Variants in POFUT1 observed in about 807,000 individuals in gnomAD.
The protein encoded by POFUT1 is GDP-fucose protein O-fucosyltransferase 1.
In POFUT1, 16 loss-of-function variants were observed where a neutral mutation model predicts 42.4. The observed-to-expected ratio is 0.38, with a 90% CI of 0.26 to 0.57. POFUT1 has a LOEUF of 0.57. POFUT1 is among the 20% of genes least tolerant of loss of function. The probability of loss-of-function intolerance (pLI) is 0.71; values close to 1 mark genes in which losing one functional copy is unlikely to be tolerated. For synonymous variants in POFUT1, 206 were observed against 205.4 expected (o/e 1.00, Z -0.03); for missense variants, 470 against 504.6 (o/e 0.93, Z 0.66).
chr20:32,226,638 A>T (rs2047416146), intron 4 of POFUT1, among the ~76,000 whole-genome samples: 1 of 152,144 alleles, frequency 6.6e-6, no homozygotes, highest in Non-Finnish European at 1.5e-5. Context: ...GCCAACTACT[A>T]ATCTCTTCTC....
Position 32,212,956 on chromosome 20 carries a change from C to T in POFUT1, c.247-2313C>T, listed in dbSNP as rs999250003. The stretch of plus-strand genomic sequence containing the variant: ...CTGGAGTGCAGTGGCACGATCTTGG[C>T]TCACCACAACCTCCACCTCCTGGGT... On this transcript the variant is annotated intron_variant, in intron 2 of 6. Coordinates refer to ENST00000375749, the MANE Select transcript of POFUT1 (RefSeq NM_015352.2). Among the ~76,000 whole-genome samples, 7 of 151,794 alleles carry T rather than the reference C, an allele frequency of 4.6e-5. No homozygotes were observed. The South Asian group carries it at 1.5e-3, about 32-fold the overall frequency.
In POFUT1 at chr20:32,237,359, T is replaced by A. The variant is rs959871216; in HGVS notation, c.*2698T>A. ...CATGTTAATAAGTGCTATAAAGAAA[T>A]ATAAAGGGTTTGGGAGCAAAAAGAG... is the stretch of plus-strand genomic sequence containing the variant. On this transcript the variant is annotated 3_prime_UTR_variant, in exon 7 of 7. Coordinates refer to ENST00000375749, the MANE Select transcript of POFUT1 (RefSeq NM_015352.2). 3.1e-5 allele frequency: 5 copies of A among 161,526 alleles called. No individual in the cohort carries two copies. Among genetic ancestry groups the A allele is most frequent in the African/African-American group, 1.2e-4 (5 of 41,782 alleles). The allele number at this position is 161,526 out of a possible 1,614,324, so 10.0% of individuals were successfully genotyped here.
chr20:32,208,719 C>T (rs1255426366), intron 1 of POFUT1, among the ~76,000 whole-genome samples: 1 of 147,228 alleles, frequency 6.8e-6, no homozygotes, highest in Non-Finnish European at 1.5e-5. Context: ...GTTATCTGGG[C>T]GGCTACTTGG....
At chr20:32,222,513 G>A (rs1600390234) in intron 4 of POFUT1, 7 of 738,896 alleles carry the variant, frequency 9.5e-6, no homozygotes, top group Non-Finnish European at 1.2e-5. Flanking sequence ...TCATTGGCTA[G>A]TACGAGGGCA....
chr20:32,228,543 C>A, intron 5 of POFUT1, 88 bp downstream of exon 5: 1 of 1,124,748 alleles, frequency 8.9e-7, no homozygotes, highest in Non-Finnish European at 1.3e-6. Context: ...CGCGTCCCAG[C>A]CAGAGCAGAG....
rs2047480727 is a variant in POFUT1 at position 32,237,942 on chromosome 20, T to A, written c.*3281T>A. 1 of 440,326 alleles carries A rather than the reference T, an allele frequency of 2.3e-6. No homozygotes were observed. Among genetic ancestry groups the A allele is most frequent in the African/African-American group, 2.1e-5 (1 of 48,122 alleles). The allele number at this position is 440,326 out of a possible 1,614,324, so 27.3% of individuals were successfully genotyped here. A position where few individuals can be genotyped will look rare whatever the true frequency, so the allele number is the denominator to read the frequency against. On this transcript the variant is annotated 3_prime_UTR_variant, in exon 7 of 7. Coordinates refer to ENST00000375749, the MANE Select transcript of POFUT1 (RefSeq NM_015352.2). ...TCAGTCTTTTTCAAAGATACAAATA[T>A]TTACATAGTTTTAATCATGTAATAT...
chr20:32,216,141 G>C (rs544076765), intron 3 of POFUT1, among the ~76,000 whole-genome samples: 107 of 152,332 alleles, frequency 7.0e-4, no homozygotes, highest in Middle Eastern at 3.4e-3. Context: ...TTGGGAAAGT[G>C]GTTGGAAGAA....
intron 1 of POFUT1, 28 bp downstream of exon 1, chr20:32,208,093 A>T (rs2047303426): frequency 1.3e-6 from 2 of 1,535,034 alleles, no homozygotes; most frequent in African/African-American, 2.8e-5. Flanking sequence ...CTCTGCTCAG[A>T]TGGAGAAACT....
chr20:32,210,191 A>C lies in POFUT1; in HGVS notation c.245A>C (p.Asn82Thr), dbSNP rs745942782. ...CAGCATCACAAGCCTCCTTTCACCA[A>C]CGTGAGTACTTCCCACTGACCTTGG... Reference protein sequence around the residue: ...EYQHHKPPFTNLHVSYQKYFK... With the variant: ...EYQHHKPPFTTLHVSYQKYFK... The change falls in exon 2 of 7, where the codon AAC becomes ACC. Residue 82 changes from asparagine to threonine, a missense_variant and splice_region_variant. Asn to Thr is a moderately conservative substitution (Grantham distance 65, BLOSUM62 0). Transcript: ENST00000375749. The C allele has an allele frequency of 4.4e-5, 71 of 1,613,864 alleles. No homozygotes were observed. Among genetic ancestry groups the C allele is most frequent in the Non-Finnish European group, 5.8e-5 (69 of 1,179,954 alleles).
intron 4 of POFUT1, among the ~76,000 whole-genome samples, chr20:32,218,716 G>A (rs534830665): frequency 2.0e-5 from 3 of 151,948 alleles, no homozygotes; most frequent in African/African-American, 7.2e-5. Flanking sequence ...TGCCCATATT[G>A]ACAATATGCC....
intron 1 of POFUT1, among the ~76,000 whole-genome samples, chr20:32,209,358 A>G (rs572236151): frequency 6.6e-6 from 1 of 152,062 alleles, no homozygotes; most frequent in African/African-American, 2.4e-5. Context: ...AATTATCAAC[A>G]TTTTTCATGT....
chr20:32,231,162 CT>C lies in POFUT1; in HGVS notation c.978+105del. The C allele has an allele frequency of 4.5e-6, 6 of 1,342,842 alleles. No individual in the cohort carries two copies. The South Asian group carries it at 5.1e-5, about 11-fold the overall frequency. The allele number at this position is 1,342,842 out of a possible 1,614,324, so 83.2% of individuals were successfully genotyped here. On this transcript the variant is annotated intron_variant, in intron 6 of 6. Transcript: ENST00000375749. The stretch of plus-strand genomic sequence containing the variant: ...ATGCTTCACGGGCTCCCCTACAAGC[CT>C]TTTGCCTGGACCTACCATTCCTCTT...
chr20:32,216,924 G>A (rs1432523546), intron 4 of POFUT1: 16 of 1,587,010 alleles, frequency 1.0e-5, no homozygotes, highest in Admixed American at 1.7e-5. Flanking sequence ...CCCGCCATGA[G>A]ATTGAGAAAG....
chr20:32,222,399 C>G (rs766775636), intron 4 of POFUT1, among the ~76,000 whole-genome samples: 2 of 152,164 alleles, frequency 1.3e-5, no homozygotes, highest in Non-Finnish European at 2.9e-5. Context: ...AGATGAAGCT[C>G]CAGCCATCAC....
intron 4 of POFUT1, 152 bp from the exon 5 acceptor site, chr20:32,228,111 G>T: frequency 1.8e-6 from 1 of 557,222 alleles, no homozygotes; most frequent in Non-Finnish European, 3.1e-6. Context: ...TCAGCCCGTT[G>T]GTATTTCACA....
rs144664105 is a variant in POFUT1 at position 32,237,860 on chromosome 20, G to A, written c.*3199G>A. 1.2e-4 allele frequency: 66 copies of A among 533,962 alleles called. No homozygotes were observed. The East Asian group carries it at 3.4e-3, about 28-fold the overall frequency. The allele number at this position is 533,962 out of a possible 1,614,324, so 33.1% of individuals were successfully genotyped here. A position where few individuals can be genotyped will look rare whatever the true frequency, so the allele number is the denominator to read the frequency against. The stretch of plus-strand genomic sequence containing the variant: ...TGCCCTCCTCTCCCAAGAGACAAAG[G>A]CCATTGCATTGAAGGAGGTGGGAAA... On this transcript the variant is annotated 3_prime_UTR_variant, in exon 7 of 7. Coordinates refer to ENST00000375749, the MANE Select transcript of POFUT1 (RefSeq NM_015352.2).
intron 4 of POFUT1, among the ~76,000 whole-genome samples, chr20:32,218,976 A>C (rs536417977): frequency 1.3e-5 from 2 of 152,234 alleles, no homozygotes; most frequent in Non-Finnish European, 2.9e-5. Context: ...TTAGTAGGGA[A>C]GATGAGGTCC....
intron 2 of POFUT1, among the ~76,000 whole-genome samples, chr20:32,212,543 G>C (rs911232631): frequency 1.3e-5 from 2 of 152,110 alleles, no homozygotes; most frequent in Non-Finnish European, 2.9e-5. Flanking sequence ...TAGGATTACA[G>C]ACATGAGCCA....
chr20:32,228,422 T>C lies in POFUT1; in HGVS notation c.702T>C (p.Tyr234=). The C allele has an allele frequency of 6.2e-7, 1 of 1,614,164 alleles. No individual in the cohort carries two copies. Among genetic ancestry groups the C allele is most frequent in the South Asian group, 1.1e-5 (1 of 91,076 alleles). The change falls in exon 5 of 7, where the codon TAT becomes TAC. Residue 234 remains tyrosine (Y), a synonymous_variant. Coordinates refer to ENST00000375749, the MANE Select transcript of POFUT1 (RefSeq NM_015352.2). ...TTCATGCCCACCTTGTCCGGCCCTA[T>C]GTGGGCATTCATCTGCGCATTGGCT... ...AQIHAHLVRP[Y]VGIHLRIGSD... is the part of the protein sequence containing the mutation.
Sources: allele counts gnomAD v4.1 joint callset (sites outside exome capture counted in the v4.1 genomes callset), GRCh38; gene constraint gnomAD v4.1.1; transcripts MANE v1.5; gene names NCBI Gene and HGNC (gene_info 2026-07-23, HGNC 2026-07-21).